The following PDE1C variants were observed in gnomAD, a reference collection of about 807,000 sequenced individuals.
The protein encoded by PDE1C is phosphodiesterase 1C.
In PDE1C, 62 loss-of-function variants were observed where a neutral mutation model predicts 93.1. The ratio of observed to expected loss-of-function variants is 0.67; its 90% CI spans 0.54 to 0.82. The LOEUF is 0.82. PDE1C is among the 40% of genes least tolerant of loss of function. PDE1C has a pLI of 0.00. For missense variants in PDE1C, 742 were observed against 884.6 expected (o/e 0.84, Z 2.04); for synonymous variants, 325 against 310.1 (o/e 1.05, Z -0.50).
the PDE1C span, among the ~76,000 whole-genome samples, chr7:31,668,823 T>A: frequency 1.3e-5 from 2 of 152,150 alleles, no homozygotes; most frequent in Non-Finnish European, 2.9e-5. Flanking sequence ...TTGTATTGTT[T>A]ATAAATTATA....
At chr7:32,200,157 T>C (rs1804906784) in intron 2 of PDE1C, among the ~76,000 whole-genome samples, 1 of 152,206 alleles carries the variant, frequency 6.6e-6, no homozygotes, top group Admixed American at 6.5e-5. Flanking sequence ...GCTCTAATTA[T>C]CTGTGTTTGC....
At chr7:31,651,138 T>G in the PDE1C span, 2 of 1,611,896 alleles carry the variant, frequency 1.2e-6, no homozygotes, top group South Asian at 2.2e-5. Flanking sequence ...CTCATTGTTC[T>G]CAGTGCACAG....
chr7:31,665,425 A>G, the PDE1C span, among the ~76,000 whole-genome samples: 2 of 152,292 alleles, frequency 1.3e-5, no homozygotes, highest in East Asian at 1.9e-4. Flanking sequence ...TGGAAGAGAA[A>G]CTTGTCTCTC....
intron 1 of PDE1C, among the ~76,000 whole-genome samples, chr7:32,330,798 G>A (rs533479134): frequency 1.3e-5 from 2 of 152,314 alleles, no homozygotes; most frequent in South Asian, 4.1e-4. Context: ...CAGAACAGAA[G>A]TCCCTAAAAA....
At chr7:32,199,582 G>A (rs1804859032) in intron 2 of PDE1C, among the ~76,000 whole-genome samples, 1 of 152,066 alleles carries the variant, frequency 6.6e-6, no homozygotes, top group South Asian at 2.1e-4. Flanking sequence ...CTGTGTTTGG[G>A]TTTTGTTTTG....
chr7:31,827,789 C>T (rs911583516), intron 12 of PDE1C, among the ~76,000 whole-genome samples: 1 of 151,958 alleles, frequency 6.6e-6, no homozygotes, highest in African/African-American at 2.4e-5. Context: ...AAAAGTTATT[C>T]TTACCTTAAA....
At chr7:32,221,068 G>A (rs1234363741) in intron 1 of PDE1C, among the ~76,000 whole-genome samples, 1 of 152,072 alleles carries the variant, frequency 6.6e-6, no homozygotes, top group Non-Finnish European at 1.5e-5. Flanking sequence ...TCCTCCTGAG[G>A]GCCCTTCCAA....
intron 1 of PDE1C, among the ~76,000 whole-genome samples, chr7:32,233,166 G>A (rs1267248169): frequency 6.6e-5 from 10 of 152,206 alleles, no homozygotes; most frequent in East Asian, 1.9e-4. Context: ...CTCTTGAAAC[G>A]GATGGAAAAA....
rs562222747 is a variant in PDE1C, at chr7:32,083,542, A to C, written c.308+86243T>G. On this transcript the variant is annotated intron_variant, in intron 3 of 18. Transcript: ENST00000396193. Reference sequence around the variant, plus strand: ...CTCAAGAAGAGCAACTCCAAGACACATAATTGTCAGATTCACCAAAGTTGA... The same window carrying C: ...CTCAAGAAGAGCAACTCCAAGACACCTAATTGTCAGATTCACCAAAGTTGA... Among the ~76,000 whole-genome samples, 744 of 152,234 alleles carry C rather than the reference A, an allele frequency of 4.9e-3. 3 individuals are homozygous for C. The highest frequency in any genetic ancestry group is 0.016 in the African/African-American group (675 of 41,556).
intron 1 of PDE1C, among the ~76,000 whole-genome samples, chr7:32,309,371 A>G (rs1209833919): frequency 1.3e-5 from 2 of 152,220 alleles, no homozygotes; most frequent in Non-Finnish European, 2.9e-5. Flanking sequence ...AAGGCAGGCC[A>G]ACATTCAGAC....
chr7:31,850,957 A>T (rs945197456), intron 7 of PDE1C: 1 of 501,556 alleles, frequency 2.0e-6, no homozygotes, highest in African/African-American at 1.9e-5. Flanking sequence ...TGAATAAGCT[A>T]AGTAGTAGTT....
At position 31,800,345 on chromosome 7, in the gene PDE1C, T is replaced by C. The variant is rs74591334; in HGVS notation, c.1891+8686A>G. ...CCAAGATCAAAAAGAGTTTCTCTTATATTTTCTTAACTAGAAACTGATAGT... is the reference window on the plus strand; with the variant it reads ...CCAAGATCAAAAAGAGTTTCTCTTACATTTTCTTAACTAGAAACTGATAGT... On this transcript the variant is annotated intron_variant, in intron 16 of 17. Coordinates refer to ENST00000396191, the MANE Select transcript of PDE1C (RefSeq NM_001191057.4). 7.4e-3 allele frequency among the ~76,000 whole-genome samples: 1,116 copies of C among 151,712 alleles called. 14 individuals are homozygous for C. Among genetic ancestry groups the C allele is most frequent in the African/African-American group, 0.025 (1,037 of 41,490 alleles).
intron 4 of PDE1C, among the ~76,000 whole-genome samples, chr7:31,878,481 C>T (rs1454381458): frequency 2.0e-5 from 3 of 152,124 alleles, no homozygotes; most frequent in East Asian, 1.9e-4. Context: ...CGTGGTGTTT[C>T]TAAAATGTAT....
At chr7:31,863,387 G>T (rs749313380) in intron 7 of PDE1C, among the ~76,000 whole-genome samples, 6 of 152,010 alleles carry the variant, frequency 3.9e-5, no homozygotes, top group Non-Finnish European at 7.4e-5. Context: ...TTCAACTTTT[G>T]AAGATATCAT....
chr7:32,237,764 T>TATATA (rs1562607071), intron 1 of PDE1C, among the ~76,000 whole-genome samples: 2 of 80,022 alleles, frequency 2.5e-5, no homozygotes, highest in South Asian at 3.7e-4. Context: ...ATATATATAC[T>TATATA]TTTTTTTTTT....
chr7:32,227,226 T>C (rs1314081339), intron 1 of PDE1C, among the ~76,000 whole-genome samples: 1 of 152,094 alleles, frequency 6.6e-6, no homozygotes, highest in Non-Finnish European at 1.5e-5. Context: ...GAAAAAAAGC[T>C]GCTCCAAAAT....
intron 17 of PDE1C, among the ~76,000 whole-genome samples, chr7:31,762,353 T>G (rs1794886917): frequency 6.6e-6 from 1 of 152,158 alleles, no homozygotes; most frequent in Non-Finnish European, 1.5e-5. Context: ...CATTTTTTAT[T>G]TTTTTGAGAT....
At chr7:31,996,188 G>C (rs1369158611) in intron 2 of PDE1C, among the ~76,000 whole-genome samples, 1 of 152,002 alleles carries the variant, frequency 6.6e-6, no homozygotes, top group Non-Finnish European at 1.5e-5. Context: ...ACAGAGCTTG[G>C]AGGGGCACAC....
At chr7:31,649,143 G>A in the PDE1C span, among the ~76,000 whole-genome samples, 6 of 152,354 alleles carry the variant, frequency 3.9e-5, no homozygotes, top group Admixed American at 2.0e-4. Flanking sequence ...GTATAAAAGC[G>A]AGAGGATAGA....
Sources: allele counts gnomAD v4.1 joint callset (sites outside exome capture counted in the v4.1 genomes callset), GRCh38; gene constraint gnomAD v4.1.1; transcripts MANE v1.5; gene names NCBI Gene and HGNC (gene_info 2026-07-23, HGNC 2026-07-21).